Variants in WDPCP observed in about 807,000 individuals in gnomAD.
The protein encoded by WDPCP is WD repeat containing planar cell polarity effector.
A neutral mutation model predicts 93.1 loss-of-function variants in WDPCP; 71 were observed. The ratio of observed to expected loss-of-function variants is 0.76; its 90% CI spans 0.63 to 0.93. The LOEUF (loss-of-function observed/expected upper bound fraction) is 0.93. Among genes scored for constraint, WDPCP ranks in the 40% least tolerant of loss-of-function variants. WDPCP has a pLI of 0.00. For synonymous variants in WDPCP, 315 were observed against 315.0 expected (o/e 1.00, Z 0.00); for missense variants, 844 against 887.4 (o/e 0.95, Z 0.62).
intron 13 of WDPCP, among the ~76,000 whole-genome samples, chr2:63,297,950 T>G (rs1268144537): frequency 6.6e-6 from 1 of 152,170 alleles, no homozygotes; most frequent in Non-Finnish European, 1.5e-5. Flanking sequence ...CAGCCATATG[T>G]TTAGCCTCAA....
At chr2:63,298,018 T>C (rs1042042885) in intron 13 of WDPCP, among the ~76,000 whole-genome samples, 1 of 152,126 alleles carries the variant, frequency 6.6e-6, no homozygotes, top group Non-Finnish European at 1.5e-5. Flanking sequence ...GGCCAAAGGG[T>C]AAAACCTCCA....
At chr2:63,507,951 A>G (rs1433943984) in intron 1 of WDPCP, among the ~76,000 whole-genome samples, 2 of 152,232 alleles carry the variant, frequency 1.3e-5, no homozygotes, top group East Asian at 1.9e-4. Context: ...GACCAAGCCT[A>G]CATTTGATTG....
chr2:63,827,514 TAAGA>T (rs1671131530), intron 1 of WDPCP: 1 of 152,148 alleles, frequency 6.6e-6, no homozygotes. Context: ...ATAATTTATT[TAAGA>T]AAGTGAGCTG....
chr2:63,302,458 T>C (rs2103774315), intron 13 of WDPCP, among the ~76,000 whole-genome samples: 1 of 152,332 alleles, frequency 6.6e-6, no homozygotes, highest in African/African-American at 2.4e-5. Flanking sequence ...TGGTTTAAAA[T>C]GGCTTCTCTT....
intron 14 of WDPCP, among the ~76,000 whole-genome samples, chr2:63,221,355 G>A (rs1414426205): frequency 6.6e-6 from 1 of 152,166 alleles, no homozygotes; most frequent in African/African-American, 2.4e-5. Context: ...TGTGGGATAA[G>A]GGAATAGGCT....
Position 63,726,357 on chromosome 2 carries a change from T to G in WDPCP, n.309-75519A>C, listed in dbSNP as rs1457262455. Among the ~76,000 whole-genome samples the G allele has an allele frequency of 2.2e-5, 3 of 138,494 alleles. No individual in the cohort carries two copies. In the East Asian group the frequency reaches 5.8e-4, roughly 27 times the overall value. The allele number at this position is 138,494 out of a possible 152,430, so 90.9% of individuals were successfully genotyped here. A position where few individuals can be genotyped will look rare whatever the true frequency, so the allele number is the denominator to read the frequency against. On this transcript the variant is annotated intron_variant and non_coding_transcript_variant, in intron 2 of 4. Coordinates refer to the WDPCP transcript ENST00000467687. ...GAACTTGTTGAAGATTAGACAGTTG[T>G]AAGTGTGTGGCTTTATTTCTGGGTT...
At chr2:63,244,692 A>G (rs1410469826) in intron 14 of WDPCP, among the ~76,000 whole-genome samples, 1 of 152,192 alleles carries the variant, frequency 6.6e-6, no homozygotes, top group East Asian at 1.9e-4. Flanking sequence ...TAAACAGACC[A>G]ATAACAAATT....
At chr2:63,298,700 G>C (rs1416556729) in intron 13 of WDPCP, among the ~76,000 whole-genome samples, 1 of 152,074 alleles carries the variant, frequency 6.6e-6, no homozygotes, top group Non-Finnish European at 1.5e-5. Context: ...GACTTGGGCT[G>C]AGCCATTACT....
At chr2:63,563,241 C>G (rs951709690) in intron 1 of WDPCP, among the ~76,000 whole-genome samples, 1 of 151,984 alleles carries the variant, frequency 6.6e-6, no homozygotes, top group African/African-American at 2.4e-5. Context: ...CAGCAAGCAA[C>G]ACGATCTCTT....
chr2:63,129,243 T>C (rs1319064165), intron 17 of WDPCP, among the ~76,000 whole-genome samples: 2 of 152,218 alleles, frequency 1.3e-5, no homozygotes, highest in African/African-American at 4.8e-5. Context: ...TGAACACAGG[T>C]GTGAAAATAT....
chr2:63,808,395 G>A (rs987853326), intron 2 of WDPCP, among the ~76,000 whole-genome samples: 64 of 140,612 alleles, frequency 4.6e-4, no homozygotes, highest in African/African-American at 1.6e-3. Flanking sequence ...ATGCCGAGCC[G>A]AAGCTGGACT....
intron 2 of WDPCP, among the ~76,000 whole-genome samples, chr2:63,733,012 C>A (rs990000321): frequency 2.0e-5 from 3 of 152,048 alleles, no homozygotes; most frequent in African/African-American, 7.3e-5. Context: ...TCAGCAAAGA[C>A]AGCAAAGAGA....
Position 63,225,981 on chromosome 2 carries a change from A to G in WDPCP, c.1915+33326T>C, listed in dbSNP as rs1047538829. ...GGATGCCAATTATATGTGTGTGTTC[A>G]CTTAGTCAAAATTCTTTGAGTTGAA... On this transcript the variant is annotated intron_variant, in intron 14 of 17. Transcript: ENST00000272321. Among the ~76,000 whole-genome samples, 4 of 151,980 alleles carry G rather than the reference A, an allele frequency of 2.6e-5. No individual in the cohort carries two copies. In the South Asian group the frequency reaches 8.3e-4, roughly 32 times the overall value.
At chr2:63,588,817 A>T, upstream of WDPCP, 1 of 609,890 alleles carries the variant, frequency 1.6e-6, no homozygotes, top group Non-Finnish European at 2.9e-6. Flanking sequence ...GCTTGAAAAA[A>T]ACCTCTGGTA....
intron 2 of WDPCP, among the ~76,000 whole-genome samples, chr2:63,760,144 CA>C (rs1670034511): frequency 1.3e-5 from 2 of 152,158 alleles, no homozygotes; most frequent in Non-Finnish European, 2.9e-5. Flanking sequence ...CTTCACTTAC[CA>C]AACACAAATT....
intron 2 of WDPCP, among the ~76,000 whole-genome samples, chr2:63,754,481 C>G (rs1268986528): frequency 6.6e-6 from 1 of 152,160 alleles, no homozygotes; most frequent in Non-Finnish European, 1.5e-5. Context: ...CAATAATAAT[C>G]CTTGTTCAGG....
chr2:63,384,740 G>A (rs1000858909), intron 10 of WDPCP, among the ~76,000 whole-genome samples: 4 of 149,016 alleles, frequency 2.7e-5, no homozygotes, highest in African/African-American at 7.4e-5. Context: ...ATAGTAATAC[G>A]TAAAAAAAAA....
At chr2:63,522,475 C>CACACACAA (rs1558750321) in intron 1 of WDPCP, among the ~76,000 whole-genome samples, 1 of 151,238 alleles carries the variant, frequency 6.6e-6, no homozygotes, top group African/African-American at 2.4e-5. Context: ...CACACACACA[C>CACACACAA]ACACACACAC....
chr2:63,575,439 G>GTGTATACAC lies in WDPCP; in HGVS notation c.75+12749_75+12757dup, dbSNP rs1558832493. ...ATACACTGTATACAGTGTATATACAGTGTATACACTGTATATACAGTATAT... is the reference window on the plus strand; with the variant it reads ...ATACACTGTATACAGTGTATATACAGTGTATACACTGTATACACTGTATATACAGTATAT... On this transcript the variant is annotated intron_variant, in intron 1 of 17. Transcript: ENST00000272321. Among the ~76,000 whole-genome samples, 561 of 91,996 alleles carry GTGTATACAC rather than the reference G, an allele frequency of 6.1e-3. 92 individuals carry two copies. The highest frequency in any genetic ancestry group is 7.0e-3 in the Non-Finnish European group (336 of 48,220). The allele number at this position is 91,996 out of a possible 152,430, so 60.4% of individuals were successfully genotyped here.
Sources: allele counts gnomAD v4.1 joint callset (sites outside exome capture counted in the v4.1 genomes callset), GRCh38; gene constraint gnomAD v4.1.1; transcripts MANE v1.5; gene names NCBI Gene and HGNC (gene_info 2026-07-23, HGNC 2026-07-21).